Variants in TMEM132D observed in about 807,000 individuals in gnomAD.
TMEM132D encodes transmembrane protein 132D.
In TMEM132D, 21 loss-of-function variants were observed where a neutral mutation model predicts 62.3. That is an observed-to-expected ratio of 0.34 (90% confidence interval 0.24 to 0.49). The LOEUF is 0.49. Among genes scored for constraint, TMEM132D ranks in the 20% least tolerant of loss-of-function variants. TMEM132D has a pLI of 0.99. For missense variants in TMEM132D, 1,346 were observed against 1,402.8 expected, an observed-to-expected ratio of 0.96 and a Z score of 0.65; for synonymous variants, 621 against 575.6, an observed-to-expected ratio of 1.08 and a Z score of -1.13.
At position 129,903,635 on chromosome 12, in the gene TMEM132D, T is replaced by C; in HGVS notation, c.-296A>G. ...TTTAAATTTTAATCCACAGGGGGTA[T>C]TTCCTTTCCTGTTTACCCGAGCGAA... On this transcript the variant is annotated 5_prime_UTR_variant, in exon 1 of 9. Transcript: ENST00000422113. The surrounding 1 kb of genome is among the most constrained non-coding windows in gnomAD (Gnocchi z 6.2). 1 of 356,818 alleles carries C rather than the reference T, an allele frequency of 2.8e-6. No individual in the cohort carries two copies. The highest frequency in any genetic ancestry group is 5.1e-6 in the Non-Finnish European group (1 of 196,522). 22.1% of individuals were successfully genotyped at this position (356,818 alleles called of 1,614,324 possible).
chr12:129,106,732 A>G (rs1875513725), intron 5 of TMEM132D, among the ~76,000 whole-genome samples: 1 of 152,132 alleles, frequency 6.6e-6, no homozygotes, highest in African/African-American at 2.4e-5. Flanking sequence ...GCTCTGGCCA[A>G]TGACGTGGGA....
chr12:129,493,945 G>A (rs1874874193), intron 3 of TMEM132D, among the ~76,000 whole-genome samples: 1 of 152,210 alleles, frequency 6.6e-6, no homozygotes, highest in South Asian at 2.1e-4. Context: ...GTTGTGATTA[G>A]GGCTGGGTGG....
chr12:129,083,776 C>T (rs984067240), intron 6 of TMEM132D, among the ~76,000 whole-genome samples: 12 of 152,184 alleles, frequency 7.9e-5, no homozygotes, highest in Non-Finnish European at 1.3e-4. Context: ...TTCTTATACA[C>T]GGTTTCTCTG....
At chr12:129,634,326 T>G (rs1339073554) in intron 2 of TMEM132D, among the ~76,000 whole-genome samples, 1 of 150,630 alleles carries the variant, frequency 6.6e-6, no homozygotes, top group African/African-American at 2.4e-5. Context: ...AAAAAAAAAT[T>G]AGCGGGGTAT....
intron 3 of TMEM132D, among the ~76,000 whole-genome samples, chr12:129,456,543 C>G (rs1396000102): frequency 6.6e-6 from 1 of 152,152 alleles, no homozygotes; most frequent in Non-Finnish European, 1.5e-5. Context: ...CTCCATGTGG[C>G]TCTCATGATG....
At chr12:129,468,881 G>C (rs1410582435) in intron 3 of TMEM132D, among the ~76,000 whole-genome samples, 2 of 152,044 alleles carry the variant, frequency 1.3e-5, no homozygotes, top group African/African-American at 2.4e-5. Context: ...TTAAAATCAG[G>C]CTTCTTCCAG....
intron 3 of TMEM132D, among the ~76,000 whole-genome samples, chr12:129,424,121 A>G (rs1872407862): frequency 6.6e-6 from 1 of 152,134 alleles, no homozygotes; most frequent in South Asian, 2.1e-4. Flanking sequence ...TATAATTCAT[A>G]CTAATAATTC....
chr12:129,315,326 T>A (rs1466662118), intron 4 of TMEM132D, among the ~76,000 whole-genome samples: 1 of 152,112 alleles, frequency 6.6e-6, no homozygotes, highest in African/African-American at 2.4e-5. Flanking sequence ...CCTTGTATGC[T>A]GATTTTGCTG....
chr12:129,496,361 A>G (rs1049451019), intron 3 of TMEM132D, among the ~76,000 whole-genome samples: 5 of 152,274 alleles, frequency 3.3e-5, no homozygotes, highest in Admixed American at 1.3e-4. Flanking sequence ...TTAGAGAGCA[A>G]TGGGCAGGAT....
chr12:129,243,020 T>C (rs1213371485), intron 4 of TMEM132D, among the ~76,000 whole-genome samples: 2 of 152,202 alleles, frequency 1.3e-5, no homozygotes, highest in South Asian at 2.1e-4. Context: ...ATGGATCCCA[T>C]TTTTGCTGCA....
At chr12:129,077,330 T>G (rs1448717059) in intron 8 of TMEM132D, among the ~76,000 whole-genome samples, 2 of 151,962 alleles carry the variant, frequency 1.3e-5, no homozygotes, top group Admixed American at 1.3e-4. Context: ...GCCGGAGGGA[T>G]TCCAGCTGCC....
At chr12:129,372,056 G>A (rs755247794) in intron 3 of TMEM132D, among the ~76,000 whole-genome samples, 2 of 152,222 alleles carry the variant, frequency 1.3e-5, no homozygotes, top group South Asian at 2.1e-4. Flanking sequence ...ATTTCTGGAA[G>A]AGATTAGCAT....
At chr12:129,502,344 A>G (rs1875177112) in intron 3 of TMEM132D, among the ~76,000 whole-genome samples, 1 of 152,164 alleles carries the variant, frequency 6.6e-6, no homozygotes, top group Non-Finnish European at 1.5e-5. Flanking sequence ...GCTACCATCA[A>G]GGTTGAATAT....
At chr12:129,684,458 A>T (rs2137211289) in intron 2 of TMEM132D, among the ~76,000 whole-genome samples, 1 of 152,280 alleles carries the variant, frequency 6.6e-6, no homozygotes, top group African/African-American at 2.4e-5. Context: ...CTGTGAGTCA[A>T]TTAAACGTCT....
At chr12:129,760,646 C>CTT (rs67750432) in intron 1 of TMEM132D, among the ~76,000 whole-genome samples, 1 of 147,088 alleles carries the variant, frequency 6.8e-6, no homozygotes, top group African/African-American at 2.5e-5. Flanking sequence ...TGCGCCCGGA[C>CTT]TTTTTTTTTT....
intron 3 of TMEM132D, among the ~76,000 whole-genome samples, chr12:129,450,438 G>A (rs1220883030): frequency 6.6e-6 from 1 of 152,084 alleles, no homozygotes; most frequent in African/African-American, 2.4e-5. Flanking sequence ...ACCTGTACTT[G>A]CACCCCTGAA....
At chr12:129,302,797 G>A (rs572526572) in intron 4 of TMEM132D, among the ~76,000 whole-genome samples, 6 of 152,278 alleles carry the variant, frequency 3.9e-5, no homozygotes, top group Non-Finnish European at 7.4e-5. Flanking sequence ...AGCGAAGCTC[G>A]AGCTCAAAGT....
intron 3 of TMEM132D, among the ~76,000 whole-genome samples, chr12:129,408,692 G>C (rs1871872321): frequency 6.6e-6 from 1 of 151,900 alleles, no homozygotes; most frequent in Non-Finnish European, 1.5e-5. Context: ...GAGAATAAGA[G>C]GGTTTACGAT....
At chr12:129,561,806 A>T (rs1877241510) in intron 2 of TMEM132D, among the ~76,000 whole-genome samples, 2 of 152,214 alleles carry the variant, frequency 1.3e-5, no homozygotes, top group Admixed American at 6.5e-5. Flanking sequence ...TAAGAATATA[A>T]ATCTCAGGAG....
Sources: gnomAD v4.1 joint callset for allele counts (sites outside exome capture counted in the v4.1 genomes callset) on GRCh38, gnomAD v4.1.1 for gene constraint, Gnocchi (gnomAD v3.1) non-coding constraint, MANE v1.5 for transcripts, NCBI Gene and HGNC (gene_info 2026-07-23, HGNC 2026-07-21) for gene names.